The following NCR3LG1 variants were observed in gnomAD, a reference collection of about 807,000 sequenced individuals.
The protein encoded by NCR3LG1 is natural cytotoxicity triggering receptor 3 ligand 1.
A neutral mutation model predicts 34.8 loss-of-function variants in NCR3LG1; 35 were observed. That is an observed-to-expected ratio of 1.01 (90% CI 0.77 to 1.33). NCR3LG1 has a LOEUF of 1.33. Ranked by LOEUF, NCR3LG1 falls within the 40% of genes most tolerant of loss-of-function variation. The probability of loss-of-function intolerance (pLI) is 0.00; values close to 1 mark genes in which losing one functional copy is unlikely to be tolerated. For missense variants in NCR3LG1, 452 were observed against 423.3 expected (o/e 1.07, Z -0.60); for synonymous variants, 173 against 163.6 (o/e 1.06, Z -0.44).
intron 1 of NCR3LG1, among the ~76,000 whole-genome samples, chr11:17,355,626 A>G (rs1031387494): frequency 6.6e-6 from 1 of 152,158 alleles, no homozygotes; most frequent in African/African-American, 2.4e-5. Flanking sequence ...TGTGGCTTAA[A>G]CAGAAATTTA....
At position 17,367,318 on chromosome 11, in the gene NCR3LG1, C is replaced by A; in HGVS notation, c.731C>A (p.Thr244Asn). ...SLHTPLRSNF[T>N]LTAARHSLSE... ...CATACCCCCTTGAGGAGCAACTTTA[C>A]CCTGACTGCTGCTCGGCACAGTCTT... Residue 244 changes from threonine (T) to asparagine (N), a missense_variant, in exon 3 of 5, where the codon ACC becomes AAC. Transcript: ENST00000338965. 6.5e-7 allele frequency: 1 copy of A among 1,535,298 alleles called. No individual in the cohort carries two copies. The highest frequency in any genetic ancestry group is 8.7e-7 in the Non-Finnish European group (1 of 1,146,268).
chr11:17,364,015 A>C (rs1277345848), intron 2 of NCR3LG1, among the ~76,000 whole-genome samples: 1 of 152,134 alleles, frequency 6.6e-6, no homozygotes, highest in African/African-American at 2.4e-5. Flanking sequence ...GTCTATCATT[A>C]ATTTTGGAAA....
At chr11:17,352,203 C>CG in intron 1 of NCR3LG1, among the ~76,000 whole-genome samples, 164 bp downstream of exon 1, 1 of 116,982 alleles carries the variant, frequency 8.5e-6, no homozygotes, top group South Asian at 2.7e-4. Flanking sequence ...TTTTTTGAGA[C>CG]GGAGTCTCGC....
chr11:17,380,929 T>C (rs577984684), downstream of NCR3LG1: 1 of 152,388 alleles, frequency 6.6e-6, no homozygotes, highest in South Asian at 2.1e-4. Context: ...GTGAACTTAA[T>C]TCTTTCTTAT....
downstream of NCR3LG1, among the ~76,000 whole-genome samples, chr11:17,379,359 T>C (rs1019040940): frequency 1.3e-5 from 2 of 152,220 alleles, no homozygotes; most frequent in African/African-American, 4.8e-5. Context: ...TTTAGTTGTT[T>C]GCAAAGATGA....
chr11:17,359,219 A>G lies in NCR3LG1; in HGVS notation c.421+2218A>G, dbSNP rs757862721. ...CTCAGCCAACAGAGCAAAGAAATAC[A>G]TGTATGCATACTAACCTCTGCATAT... On this transcript the variant is annotated intron_variant, in intron 2 of 4. Transcript: ENST00000338965. Among the ~76,000 whole-genome samples the G allele has an allele frequency of 4.8e-4, 73 of 152,248 alleles. 1 individual carries two copies. The highest frequency in any genetic ancestry group is 2.1e-3 in the Admixed American group (32 of 15,286).
At chr11:17,366,896 A>T in intron 2 of NCR3LG1, 113 bp from the exon 3 acceptor site, 1 of 714,282 alleles carries the variant, frequency 1.4e-6, no homozygotes, top group Non-Finnish European at 2.3e-6. Flanking sequence ...TTATCTGGCT[A>T]CAGGAGCAGT....
Position 17,377,168 on chromosome 11 carries a change from G to A in NCR3LG1, c.*4656G>A, listed in dbSNP as rs1204730604. On this transcript the variant is annotated 3_prime_UTR_variant, in exon 5 of 5. Transcript: ENST00000338965. ...TGAGATATTGGCCAGGGCATATCGT[G>A]TCCCTGGTCTTTTGAAACTCCATTT... The A allele has an allele frequency of 6.6e-6, 1 of 152,026 alleles. No individual in the cohort carries two copies. Among genetic ancestry groups the A allele is most frequent in the Non-Finnish European group, 1.5e-5 (1 of 68,014 alleles). 9.4% of individuals were successfully genotyped at this position (152,026 alleles called of 1,614,324 possible).
intron 3 of NCR3LG1, among the ~76,000 whole-genome samples, chr11:17,367,969 C>A (rs944590201): frequency 3.3e-5 from 5 of 152,116 alleles, no homozygotes; most frequent in African/African-American, 1.2e-4. Flanking sequence ...CAGGCATGCA[C>A]CACCACGCAC....
rs1262670755 is a variant in NCR3LG1 at position 17,351,955 on chromosome 11, A to T, written c.-15A>T. 1 of 1,473,088 alleles carries T rather than the reference A, an allele frequency of 6.8e-7. No homozygotes were observed. The highest frequency in any genetic ancestry group is 1.4e-5 in the African/African-American group (1 of 70,186). 91.3% of individuals were successfully genotyped at this position (1,473,088 alleles called of 1,614,324 possible). A position where few individuals can be genotyped will look rare whatever the true frequency, so the allele number is the denominator to read the frequency against. On this transcript the variant is annotated 5_prime_UTR_variant, in exon 1 of 5. Coordinates refer to ENST00000338965, the MANE Select transcript of NCR3LG1 (RefSeq NM_001202439.3). ...CCCACTCGGCGAAAAAAATTACACAACAGCAGCCGCGGCGATGACGTGGAG... is the reference window on the plus strand; with the variant it reads ...CCCACTCGGCGAAAAAAATTACACATCAGCAGCCGCGGCGATGACGTGGAG...
In NCR3LG1 at chr11:17,372,004, A is replaced by T. The variant is rs1397857822; in HGVS notation, c.859-2A>T. The T allele has an allele frequency of 1.4e-6, 1 of 695,160 alleles. No homozygotes were observed. Among genetic ancestry groups the T allele is most frequent in the South Asian group, 1.5e-5 (1 of 67,164 alleles). 43.1% of individuals were successfully genotyped at this position (695,160 alleles called of 1,614,324 possible). On this transcript the variant is annotated splice_acceptor_variant, in intron 4 of 4. Coordinates refer to ENST00000338965, the MANE Select transcript of NCR3LG1 (RefSeq NM_001202439.3). LOFTEE classifies it high-confidence loss of function. Reference sequence around the variant, plus strand: ...GATGCCTTTTCTCTCCTCTTTTTCTAGATATGTAACAAATCATCTTCAGCC... The same window carrying T: ...GATGCCTTTTCTCTCCTCTTTTTCTTGATATGTAACAAATCATCTTCAGCC...
intron 2 of NCR3LG1, among the ~76,000 whole-genome samples, chr11:17,357,777 G>A (rs561426734): frequency 6.6e-6 from 1 of 152,032 alleles, no homozygotes; most frequent in Admixed American, 6.6e-5. Context: ...CACAATCATA[G>A]CTCACTGTAA....
In NCR3LG1 at chr11:17,372,002, C is replaced by G. The variant is rs1054293962; in HGVS notation, c.859-4C>G. 1.4e-6 allele frequency: 1 copy of G among 694,148 alleles called. No individual in the cohort carries two copies. The highest frequency in any genetic ancestry group is 2.6e-6 in the Non-Finnish European group (1 of 380,806). 43.0% of individuals were successfully genotyped at this position (694,148 alleles called of 1,614,324 possible). A position where few individuals can be genotyped will look rare whatever the true frequency, so the allele number is the denominator to read the frequency against. On this transcript the variant is annotated splice_region_variant and splice_polypyrimidine_tract_variant and intron_variant, in intron 4 of 4. Transcript: ENST00000338965. ...GGGATGCCTTTTCTCTCCTCTTTTTCTAGATATGTAACAAATCATCTTCAG... is the reference window on the plus strand; with the variant it reads ...GGGATGCCTTTTCTCTCCTCTTTTTGTAGATATGTAACAAATCATCTTCAG...
intron 2 of NCR3LG1, among the ~76,000 whole-genome samples, chr11:17,364,256 G>A (rs1953319738): frequency 2.0e-5 from 3 of 152,124 alleles, no homozygotes; most frequent in South Asian, 4.2e-4. Flanking sequence ...GTGCAATGGC[G>A]GGATCTTGGC....
At chr11:17,353,201 G>A (rs113264182) in intron 1 of NCR3LG1, among the ~76,000 whole-genome samples, 1,886 of 152,364 alleles carry the variant, frequency 0.012, 29 homozygotes, top group Non-Finnish European at 0.016. Context: ...TTGAGAAACA[G>A]AAGATACAGC....
In NCR3LG1 at chr11:17,367,265, C is replaced by T; in HGVS notation, c.678C>T (p.Tyr226=). The part of the protein sequence containing the change: ...NSSQEDPGTV[Y]QCVVRHASLH... ...CTCAGGAAGACCCTGGGACTGTCTA[C>T]CAGTGTGTGGTACGGCATGCGTCCT... is the stretch of plus-strand genomic sequence containing the variant. Residue 226 remains tyrosine (Y), a synonymous_variant, in exon 3 of 5, where the codon TAC becomes TAT. Transcript: ENST00000338965. 1.3e-6 allele frequency: 2 copies of T among 1,536,246 alleles called. No individual in the cohort carries two copies. Among genetic ancestry groups the T allele is most frequent in the South Asian group, 2.4e-5 (2 of 84,064 alleles).
intron 2 of NCR3LG1, 80 bp downstream of exon 2, chr11:17,357,081 T>C (rs1235065233): frequency 1.0e-5 from 9 of 904,478 alleles, no homozygotes; most frequent in Non-Finnish European, 1.5e-5. Flanking sequence ...CTCTTTGAGC[T>C]CCACTTTCCT....
At chr11:17,356,537 G>A in intron 1 of NCR3LG1, 114 bp from the exon 2 acceptor site, 1 of 731,180 alleles carries the variant, frequency 1.4e-6, no homozygotes, top group Middle Eastern at 3.0e-4. Context: ...CCATCACACT[G>A]GGGGTCAGGC....
chr11:17,376,617 A>G lies in NCR3LG1; in HGVS notation c.*4105A>G, dbSNP rs943316231. 4 of 152,206 alleles carry G rather than the reference A, an allele frequency of 2.6e-5. No homozygotes were observed. The highest frequency in any genetic ancestry group is 9.6e-5 in the African/African-American group (4 of 41,464). 9.4% of individuals were successfully genotyped at this position (152,206 alleles called of 1,614,324 possible). ...TTGTCAGGCATAAATGGAACATGGTATGGGAACACTTTCAACTGAGTAACT... is the reference window on the plus strand; with the variant it reads ...TTGTCAGGCATAAATGGAACATGGTGTGGGAACACTTTCAACTGAGTAACT... On this transcript the variant is annotated 3_prime_UTR_variant, in exon 5 of 5. Transcript: ENST00000338965.
Sources: allele counts gnomAD v4.1 joint callset (sites outside exome capture counted in the v4.1 genomes callset), GRCh38; gene constraint gnomAD v4.1.1; transcripts MANE v1.5; gene names NCBI Gene and HGNC (gene_info 2026-07-23, HGNC 2026-07-21).